Variants in NUDT19 observed in about 807,000 individuals in gnomAD.
NUDT19 encodes the protein acyl-coenzyme A diphosphatase NUDT19.
In NUDT19, 31 loss-of-function variants were observed where a neutral mutation model predicts 22.2. The ratio of observed to expected loss-of-function variants is 1.40; its 90% confidence interval spans 1.05 to 1.89. The LOEUF (loss-of-function observed/expected upper bound fraction) is 1.89, where lower values mean the gene tolerates loss of function less well. Among genes scored for constraint, NUDT19 ranks in the 40% most tolerant of loss-of-function variants. The probability of loss-of-function intolerance (pLI) is 0.00; values close to 1 mark genes in which losing one functional copy is unlikely to be tolerated. For missense variants in NUDT19, 752 were observed against 514.2 expected (o/e 1.46, Z -4.47); for synonymous variants, 325 against 230.8 (o/e 1.41, Z -3.70).
chr19:32,692,318 G>A lies in NUDT19; in HGVS notation c.358G>A (p.Glu120Lys), dbSNP rs1237689689. ...GACCGACAACACTGGGACGCTGCCT[G>A]AGGACGTAGCCTTCCGCATCTGCGC... ...HKTDNTGTLP[E>K]DVAFRICAVR... is the part of the protein sequence containing the mutation. The change falls in exon 1 of 3, where the codon GAG (glutamate) becomes AAG (lysine). Residue 120 changes from glutamate (E) to lysine (K), a missense_variant. Glu to Lys is a moderately conservative substitution (Grantham distance 56, BLOSUM62 1). Transcript: ENST00000397061. 3.8e-6 allele frequency: 6 copies of A among 1,592,904 alleles called. No individual in the cohort carries two copies. The highest frequency in any genetic ancestry group is 3.3e-5 in the South Asian group (3 of 90,404).
At position 32,709,207 on chromosome 19, in the gene NUDT19, C is replaced by T. The variant is rs1191752735; in HGVS notation, c.737C>T (p.Thr246Ile). The change falls in exon 2 of 3, where the codon ACT (threonine) becomes ATT (isoleucine). Residue 246 changes from threonine (T) to isoleucine (I), a missense_variant. Physicochemically the swap from Thr to Ile is moderately conservative, Grantham distance 89. Transcript: ENST00000397061. The stretch of plus-strand genomic sequence containing the variant: ...CAGTGGTCATCTCCATCAGAGGCAA[C>T]TGAAAGTTTCTTATCAAAAGAAATT... ...GYQWSSPSEATESFLSKEIWL... is the reference protein window; with the variant it reads ...GYQWSSPSEAIESFLSKEIWL... 4 of 1,613,544 alleles carry T rather than the reference C, an allele frequency of 2.5e-6. No homozygotes were observed. Among genetic ancestry groups the T allele is most frequent in the Non-Finnish European group, 3.4e-6 (4 of 1,179,788 alleles).
intron 1 of NUDT19, 95 bp from the exon 2 acceptor site, chr19:32,709,090 A>G (rs1049400421): frequency 2.0e-5 from 16 of 811,018 alleles, no homozygotes; most frequent in East Asian, 1.5e-4. Flanking sequence ...TTCATTTTAC[A>G]CATTCAGTTC....
chr19:32,693,430 AT>A lies in NUDT19; in HGVS notation c.714+757del, dbSNP rs201737408. Among the ~76,000 whole-genome samples the A allele has an allele frequency of 7.2e-3, 1,102 of 152,338 alleles. 15 individuals are homozygous for A. The highest frequency in any genetic ancestry group is 0.026 in the African/African-American group (1,074 of 41,580). On this transcript the variant is annotated intron_variant, in intron 1 of 2. Coordinates refer to ENST00000397061, the MANE Select transcript of NUDT19 (RefSeq NM_001105570.2). ...ACATTTGTGGTCAGTGTTACAGCTT[AT>A]AAAGGTAGTGCGGACCCAAGGAGTG...
In NUDT19 at chr19:32,692,282, G is replaced by A. The variant is rs760009129; in HGVS notation, c.322G>A (p.Asp108Asn). The change falls in exon 1 of 3, where the codon GAT (aspartate) becomes AAT (asparagine). Residue 108 changes from aspartate to asparagine, a missense_variant. Transcript: ENST00000397061. The part of the protein sequence containing the change: ...RTAFPSLPDT[D>N]DHKTDNTGTL... ...CGCTTTCCCGTCGCTGCCCGACACC[G>A]ATGACCACAAGACCGACAACACTGG... The A allele has an allele frequency of 1.1e-5, 17 of 1,592,760 alleles. No individual in the cohort carries two copies. Among genetic ancestry groups the A allele is most frequent in the African/African-American group, 4.1e-5 (3 of 73,768 alleles).
In NUDT19 at chr19:32,713,730, T is replaced by C. The variant is rs1224841105; in HGVS notation, c.*1773T>C. The C allele has an allele frequency of 1.3e-5, 2 of 152,236 alleles. No individual in the cohort carries two copies. The highest frequency in any genetic ancestry group is 4.8e-5 in the African/African-American group (2 of 41,466). 9.4% of individuals were successfully genotyped at this position (152,236 alleles called of 1,614,324 possible). Reference sequence around the variant, plus strand: ...ACAATTGATTTCATATTTTATGAAATGCCTTAATTTTCCTACTATAACATA... The same window carrying C: ...ACAATTGATTTCATATTTTATGAAACGCCTTAATTTTCCTACTATAACATA... On this transcript the variant is annotated 3_prime_UTR_variant, in exon 3 of 3. Transcript: ENST00000397061.
intron 1 of NUDT19, among the ~76,000 whole-genome samples, chr19:32,699,849 A>C (rs879899615): frequency 1.3e-5 from 2 of 151,810 alleles, no homozygotes; most frequent in Non-Finnish European, 2.9e-5. Flanking sequence ...GTTCCTTCAG[A>C]TATTCAGATG....
chr19:32,696,821 C>T (rs1231616039), intron 1 of NUDT19, among the ~76,000 whole-genome samples: 4 of 152,156 alleles, frequency 2.6e-5, no homozygotes, highest in Non-Finnish European at 4.4e-5. Flanking sequence ...GAGAAAGCCA[C>T]GCCAGTGTCC....
chr19:32,707,408 C>T (rs1360774610), intron 1 of NUDT19, among the ~76,000 whole-genome samples: 1 of 152,150 alleles, frequency 6.6e-6, no homozygotes, highest in Non-Finnish European at 1.5e-5. Context: ...ACAGACTTCT[C>T]AGTCAATGTT....
chr19:32,706,255 CTGGTTTCTCTTTCCATGGTT>C (rs372774069), intron 1 of NUDT19, among the ~76,000 whole-genome samples: 2 of 152,192 alleles, frequency 1.3e-5, no homozygotes, highest in Non-Finnish European at 2.9e-5. Context: ...AGCTTTATCC[CTGGTTTCTCTTTCCATGGTT>C]TGAGTTACCC....
In NUDT19 at chr19:32,692,402, C is replaced by G; in HGVS notation, c.442C>G (p.Pro148Ala). 1 of 1,573,534 alleles carries G rather than the reference C, an allele frequency of 6.4e-7. No individual in the cohort carries two copies. Among genetic ancestry groups the G allele is most frequent in the Non-Finnish European group, 8.6e-7 (1 of 1,167,734 alleles). The change falls in exon 1 of 3, where the codon CCA (proline) becomes GCA (alanine). Residue 148 changes from proline (P) to alanine (A), a missense_variant. By Grantham distance (27) the Pro-to-Ala change is conservative. Coordinates refer to ENST00000397061, the MANE Select transcript of NUDT19 (RefSeq NM_001105570.2). ...GCTGCTGCGGCCCAGGACTTCCCCACCAGGCCCAGCACCCGGGCCTGGCCT... is the reference window on the plus strand; with the variant it reads ...GCTGCTGCGGCCCAGGACTTCCCCAGCAGGCCCAGCACCCGGGCCTGGCCT... ...VLLLRPRTSP[P>A]GPAPGPGLAL...
chr19:32,700,116 C>T (rs1350461417), intron 1 of NUDT19, among the ~76,000 whole-genome samples: 2 of 152,238 alleles, frequency 1.3e-5, no homozygotes, highest in East Asian at 1.9e-4. Flanking sequence ...ACAGAGCTTC[C>T]ACAGCATGGA....
rs562300761 is a variant in NUDT19, at chr19:32,692,043, A to G, written c.83A>G (p.Glu28Gly). ...IVLAAGWSRP[E>G]TATPPSRPPP... ...CTGGCGGCTGGCTGGTCGCGCCCGG[A>G]GACCGCCACCCCGCCGTCGCGCCCG... Residue 28 changes from glutamate to glycine, a missense_variant, in exon 1 of 3, where the codon GAG becomes GGG. Coordinates refer to ENST00000397061, the MANE Select transcript of NUDT19 (RefSeq NM_001105570.2). 9 of 1,276,296 alleles carry G rather than the reference A, an allele frequency of 7.1e-6. No homozygotes were observed. The South Asian group carries it at 1.7e-4, about 24-fold the overall frequency. 79.1% of individuals were successfully genotyped at this position (1,276,296 alleles called of 1,614,324 possible).
At chr19:32,710,420 C>CAAAA (rs34357522) in intron 2 of NUDT19, among the ~76,000 whole-genome samples, 4 of 107,048 alleles carry the variant, frequency 3.7e-5, no homozygotes, top group Non-Finnish European at 7.9e-5. Flanking sequence ...ACTGAAAATA[C>CAAAA]AAAAAAAAAA....
Position 32,692,660 on chromosome 19 carries a change from G to T in NUDT19, c.700G>T (p.Val234Leu). ...GCCCGTCTACCCCGACTTGGCGGAG[G>T]TGGTGGGCTACCAGGTAAGGCCTGC... is the stretch of plus-strand genomic sequence containing the variant. ...PPPVYPDLAE[V>L]VGYQWSSPSE... The change falls in exon 1 of 3, where the codon GTG becomes TTG. Residue 234 changes from valine (V) to leucine (L), a missense_variant. Transcript: ENST00000397061. 1 of 1,511,464 alleles carries T rather than the reference G, an allele frequency of 6.6e-7. No homozygotes were observed. Among genetic ancestry groups the T allele is most frequent in the Non-Finnish European group, 8.8e-7 (1 of 1,136,504 alleles). 93.6% of individuals were successfully genotyped at this position (1,511,464 alleles called of 1,614,324 possible).
chr19:32,699,511 A>G (rs982731793), intron 1 of NUDT19, among the ~76,000 whole-genome samples: 2 of 151,906 alleles, frequency 1.3e-5, no homozygotes, highest in Non-Finnish European at 2.9e-5. Context: ...AACGCTCCCC[A>G]CTCCGAAGAG....
At chr19:32,693,775 G>A (rs888339020) in intron 1 of NUDT19, among the ~76,000 whole-genome samples, 1 of 152,202 alleles carries the variant, frequency 6.6e-6, no homozygotes, top group Admixed American at 6.5e-5. Flanking sequence ...GCTGATTGGT[G>A]CATTTACAAA....
Position 32,692,402 on chromosome 19 carries a change from C to T in NUDT19, c.442C>T (p.Pro148Ser), listed in dbSNP as rs937542459. 1 of 1,573,424 alleles carries T rather than the reference C, an allele frequency of 6.4e-7. No homozygotes were observed. The highest frequency in any genetic ancestry group is 8.6e-7 in the Non-Finnish European group (1 of 1,167,744). Residue 148 changes from proline to serine, a missense_variant, in exon 1 of 3, where the codon CCA becomes TCA. By Grantham distance (74) the Pro-to-Ser change is moderately conservative. Transcript: ENST00000397061. ...VLLLRPRTSP[P>S]GPAPGPGLAL... Reference sequence around the variant, plus strand: ...GCTGCTGCGGCCCAGGACTTCCCCACCAGGCCCAGCACCCGGGCCTGGCCT... The same window carrying T: ...GCTGCTGCGGCCCAGGACTTCCCCATCAGGCCCAGCACCCGGGCCTGGCCT...
rs1968454194 is a variant in NUDT19, at chr19:32,712,152, G to A, written c.*195G>A. The A allele has an allele frequency of 2.0e-6, 1 of 505,040 alleles. No homozygotes were observed. Among genetic ancestry groups the A allele is most frequent in the Admixed American group, 3.6e-5 (1 of 27,956 alleles). The allele number at this position is 505,040 out of a possible 1,614,324, so 31.3% of individuals were successfully genotyped here. A position where few individuals can be genotyped will look rare whatever the true frequency, so the allele number is the denominator to read the frequency against. ...TGCAGTGGCATGATATAGGCTCACT[G>A]GAAGCTCTGCCTCAGGGGTTCATGC... On this transcript the variant is annotated 3_prime_UTR_variant, in exon 3 of 3. Transcript: ENST00000397061.
At chr19:32,692,696 G>C in intron 1 of NUDT19, 22 bp downstream of exon 1, 2 of 1,434,718 alleles carry the variant, frequency 1.4e-6, no homozygotes, top group Non-Finnish European at 9.1e-7. Context: ...TCAGGGCCTT[G>C]CTGCGGACCG....
Sources: allele counts gnomAD v4.1 joint callset (sites outside exome capture counted in the v4.1 genomes callset), GRCh38; gene constraint gnomAD v4.1.1; transcripts MANE v1.5; gene names NCBI Gene and HGNC (gene_info 2026-07-23, HGNC 2026-07-21).